AIPL1: variants seen among roughly 807,000 people sequenced by gnomAD.
AIPL1 encodes AIP like 1 HSP90 co-chaperone.
A neutral mutation model predicts 32.9 loss-of-function variants in AIPL1; 23 were observed. The ratio of observed to expected loss-of-function variants is 0.70; its 90% CI spans 0.50 to 0.99. The LOEUF (loss-of-function observed/expected upper bound fraction) is 0.99, where lower values mean the gene tolerates loss of function less well. Among genes scored for constraint, AIPL1 ranks in the 50% least tolerant of loss-of-function variants. The probability of loss-of-function intolerance (pLI) is 0.00; values close to 1 mark genes in which losing one functional copy is unlikely to be tolerated. For synonymous variants in AIPL1, 210 were observed against 209.4 expected (o/e 1.00, Z -0.02); for missense variants, 485 against 506.0 (o/e 0.96, Z 0.40).
At position 6,428,423 on chromosome 17, in the gene AIPL1, C is replaced by T. The variant is rs372906107; in HGVS notation, c.360G>A (p.Thr120=). The T allele has an allele frequency of 2.2e-5, 35 of 1,613,536 alleles. No homozygotes were observed. The highest frequency in any genetic ancestry group is 1.6e-4 in the Middle Eastern group (1 of 6,084). The part of the protein sequence containing the change: ...GKDPTEWHVH[T]CGLANMFAYH... The stretch of plus-strand genomic sequence containing the variant: ...AGGCGAACATGTTGGCCAGCCCGCA[C>T]GTGTGCACGTGCCACTCTGTGGGGT... Residue 120 remains threonine, a synonymous_variant, in exon 3 of 6, where the codon ACG becomes ACA. Coordinates refer to ENST00000381129, the MANE Select transcript of AIPL1 (RefSeq NM_014336.5).
In AIPL1 at chr17:6,434,978, AC is replaced by A. The variant is rs767377283; in HGVS notation, c.96+30del. The A allele has an allele frequency of 5.6e-6, 9 of 1,613,686 alleles. No homozygotes were observed. In the South Asian group the frequency reaches 7.7e-5, roughly 14 times the overall value. On this transcript the variant is annotated intron_variant, in intron 1 of 5. Transcript: ENST00000381129. ...GGAATGTTGAAAGCTGCTGTGGGGG[AC>A]CCTGTCTGCTCCGGAGGGGCCCCAC...
intron 1 of AIPL1, among the ~76,000 whole-genome samples, chr17:6,434,353 G>GTTTTTTTTT (rs559325581): frequency 1.1e-5 from 1 of 91,404 alleles, no homozygotes; most frequent in African/African-American, 4.1e-5. Flanking sequence ...GTAAGCCCGA[G>GTTTTTTTTT]TTCTTTTTTT....
intron 2 of AIPL1, among the ~76,000 whole-genome samples, chr17:6,432,817 G>A (rs1912739277): frequency 6.6e-6 from 1 of 152,134 alleles, no homozygotes; most frequent in African/African-American, 2.4e-5. Flanking sequence ...TTTTGGTAGA[G>A]ACGGGGTTTC....
chr17:6,426,101 A>C lies in AIPL1; in HGVS notation c.785-271T>G, dbSNP rs902000318. 4.7e-6 allele frequency: 6 copies of C among 1,274,820 alleles called. No individual in the cohort carries two copies. In the African/African-American group the frequency reaches 9.0e-5, roughly 19 times the overall value. 79.0% of individuals were successfully genotyped at this position (1,274,820 alleles called of 1,614,324 possible). ...TTATAGACGCTACCTAAATTAGATA[A>C]CCTTCAGGCCCTTTCCCTGCACCTC... is the stretch of plus-strand genomic sequence containing the variant. On this transcript the variant is annotated intron_variant, in intron 5 of 5. Coordinates refer to ENST00000381129, the MANE Select transcript of AIPL1 (RefSeq NM_014336.5).
At position 6,425,165 on chromosome 17, in the gene AIPL1, G is replaced by A. The variant is rs1911776550; in HGVS notation, c.*295C>T. ...TGACATGGGGTAAAATCTAGAAACT[G>A]ATTTAAACAGATTACTTGGAAATAG... On this transcript the variant is annotated 3_prime_UTR_variant, in exon 6 of 6. Transcript: ENST00000381129. 3.1e-6 allele frequency: 1 copy of A among 318,502 alleles called. No homozygotes were observed. Among genetic ancestry groups the A allele is most frequent in the Admixed American group, 4.4e-5 (1 of 22,766 alleles). 19.7% of individuals were successfully genotyped at this position (318,502 alleles called of 1,614,324 possible).
chr17:6,425,308 T>TTTTG lies in AIPL1; in HGVS notation c.*151_*152insCAAA, dbSNP rs1555546347. The TTTTG allele has an allele frequency of 0.074, 3,866 of 52,456 alleles. 3 individuals carry two copies. Among genetic ancestry groups the TTTTG allele is most frequent in the South Asian group, 0.11 (305 of 2,884 alleles). The allele number at this position is 52,456 out of a possible 1,614,324, so 3.2% of individuals were successfully genotyped here. A position where few individuals can be genotyped will look rare whatever the true frequency, so the allele number is the denominator to read the frequency against. ...AAGCTCTTCTGTACCCTTGGGATTG[T>TTTTG]TTTTTTTTTTTTTTTTACCATGGGT... On this transcript the variant is annotated 3_prime_UTR_variant, in exon 6 of 6. Coordinates refer to ENST00000381129, the MANE Select transcript of AIPL1 (RefSeq NM_014336.5).
rs35800597 is a variant in AIPL1, at chr17:6,431,294, GA to G, written c.276+2624del. Among the ~76,000 whole-genome samples the G allele has an allele frequency of 1.9e-3, 233 of 121,786 alleles. 1 individual carries two copies. The highest frequency in any genetic ancestry group is 4.5e-3 in the East Asian group (17 of 3,800). 79.9% of individuals were successfully genotyped at this position (121,786 alleles called of 152,430 possible). The stretch of plus-strand genomic sequence containing the variant: ...AAAACCTGTCTCTACTAAAAATACT[GA>G]AAAAAAAAAAAAAGCCAGGTGTGGT... On this transcript the variant is annotated intron_variant, in intron 2 of 5. Transcript: ENST00000381129.
chr17:6,426,548 A>G (rs779507438), intron 5 of AIPL1, 67 bp downstream of exon 5: 4 of 1,573,544 alleles, frequency 2.5e-6, no homozygotes, highest in African/African-American at 2.7e-5. Context: ...CAGGAAGGCT[A>G]TGGCAGGTGT....
rs1406747632 is a variant in AIPL1, at chr17:6,424,548, TTTG to T, written c.*909_*911del. 1 of 152,370 alleles carries T rather than the reference TTTG, an allele frequency of 6.6e-6. No individual in the cohort carries two copies. The highest frequency in any genetic ancestry group is 2.4e-5 in the African/African-American group (1 of 41,384). The allele number at this position is 152,370 out of a possible 1,614,324, so 9.4% of individuals were successfully genotyped here. A position where few individuals can be genotyped will look rare whatever the true frequency, so the allele number is the denominator to read the frequency against. On this transcript the variant is annotated 3_prime_UTR_variant, in exon 6 of 6. Transcript: ENST00000381129. ...GGTTTTGTTTGTTTTTCTTTTGTTTTTTGTTGTTGTTTTTGTTTTGTTTTGTTT... is the reference window on the plus strand; with the variant it reads ...GGTTTTGTTTGTTTTTCTTTTGTTTTTTGTTGTTTTTGTTTTGTTTTGTTT...
In AIPL1 at chr17:6,425,565, T is replaced by A. The variant is rs1201805392; in HGVS notation, c.1050A>T (p.Pro350=). ...ATGGTGCTGTGGGTGGCTCTGCAGG[T>A]GGCTCTGTGGATGACTGTGCGGGTG... ...TEPPAQSSTE[P]PAEPPTAPSA... Residue 350 remains proline, a synonymous_variant, in exon 6 of 6, where the codon CCA becomes CCT. Coordinates refer to ENST00000381129, the MANE Select transcript of AIPL1 (RefSeq NM_014336.5). 1 of 1,612,738 alleles carries A rather than the reference T, an allele frequency of 6.2e-7. No homozygotes were observed. The highest frequency in any genetic ancestry group is 2.2e-5 in the East Asian group (1 of 44,858).
In AIPL1 at chr17:6,425,825, C is replaced by A; in HGVS notation, c.790G>T (p.Val264Leu). The change falls in exon 6 of 6, where the codon GTG (valine) becomes TTG (leucine). Residue 264 changes from valine (V) to leucine (L), a missense_variant. Coordinates refer to ENST00000381129, the MANE Select transcript of AIPL1 (RefSeq NM_014336.5). ...CGGGCACGCACGTAGTAGGCCTTCA[C>A]GATGCCTGTGGGGAGCAGGGAGCAT... ...SDILRHHPGI[V>L]KAYYVRARAH... is the part of the protein sequence containing the mutation. 3 of 1,603,578 alleles carry A rather than the reference C, an allele frequency of 1.9e-6. No individual in the cohort carries two copies. Among genetic ancestry groups the A allele is most frequent in the Non-Finnish European group, 2.5e-6 (3 of 1,179,544 alleles).
intron 2 of AIPL1, among the ~76,000 whole-genome samples, chr17:6,433,611 TCACACACA>T (rs541117064): frequency 7.1e-4 from 75 of 106,238 alleles, no homozygotes; most frequent in African/African-American, 1.7e-3. Context: ...TCTCTCTCTC[TCACACACA>T]CACACACACA....
At position 6,427,579 on chromosome 17, in the gene AIPL1, C is replaced by T. The variant is rs117789026; in HGVS notation, c.466-522G>A. On this transcript the variant is annotated intron_variant, in intron 3 of 5. Coordinates refer to ENST00000381129, the MANE Select transcript of AIPL1 (RefSeq NM_014336.5). ...TGACCTTGACCCTGGCCCTAACCCTCTCTCACCAATCCACAAACACGCGCT... is the reference window on the plus strand; with the variant it reads ...TGACCTTGACCCTGGCCCTAACCCTTTCTCACCAATCCACAAACACGCGCT... Among the ~76,000 whole-genome samples the T allele has an allele frequency of 6.4e-3, 981 of 152,272 alleles. 7 individuals carry two copies. Among genetic ancestry groups the T allele is most frequent in the Non-Finnish European group, 9.6e-3 (655 of 68,022 alleles).
In AIPL1 at chr17:6,425,151, A is replaced by G; in HGVS notation, c.*309T>C. ...TCCTCATTTGTCATTGACATGGGGT[A>G]AAATCTAGAAACTGATTTAAACAGA... On this transcript the variant is annotated 3_prime_UTR_variant, in exon 6 of 6. Transcript: ENST00000381129. 3.7e-6 allele frequency: 1 copy of G among 273,606 alleles called. No individual in the cohort carries two copies. The highest frequency in any genetic ancestry group is 6.5e-5 in the East Asian group (1 of 15,496). The allele number at this position is 273,606 out of a possible 1,614,324, so 16.9% of individuals were successfully genotyped here. A position where few individuals can be genotyped will look rare whatever the true frequency, so the allele number is the denominator to read the frequency against.
At chr17:6,434,151 A>G (rs1019890303) in intron 1 of AIPL1, 53 bp from the exon 2 acceptor site, 1 of 1,591,582 alleles carries the variant, frequency 6.3e-7, no homozygotes. Context: ...AAGGCCCGGC[A>G]GAAGCCACCC....
chr17:6,426,085 C>T, intron 5 of AIPL1: 1 of 1,231,460 alleles, frequency 8.1e-7, no homozygotes, highest in Non-Finnish European at 1.1e-6. Context: ...CTTATAGACG[C>T]TACCTAAATT....
At chr17:6,433,803 G>C (rs1300375717) in intron 2 of AIPL1, 116 bp downstream of exon 2, 1 of 1,306,752 alleles carries the variant, frequency 7.7e-7, no homozygotes, top group African/African-American at 1.5e-5. Flanking sequence ...TGCAGGACTG[G>C]CTTTGCAAAG....
chr17:6,430,456 C>CAAAAAAAAAAAAA (rs1169701817), intron 2 of AIPL1, among the ~76,000 whole-genome samples: 2 of 44,512 alleles, frequency 4.5e-5, no homozygotes, highest in African/African-American at 9.0e-5. Context: ...AAGTCCGTCT[C>CAAAAAAAAAAAAA]AAAAAAAAAA....
intron 3 of AIPL1, among the ~76,000 whole-genome samples, chr17:6,427,810 C>CTTTTTTTTTTTTTTTTTTTTTTT (rs5819114): frequency 6.9e-6 from 1 of 144,746 alleles, no homozygotes; most frequent in Non-Finnish European, 1.5e-5. Context: ...TCCAAGTGGA[C>CTTTTTTTTTTTTTTTTTTTTTTT]TTTTTTTTTT....
Sources: gnomAD v4.1 joint callset for allele counts (sites outside exome capture counted in the v4.1 genomes callset) on GRCh38, gnomAD v4.1.1 for gene constraint, MANE v1.5 for transcripts, NCBI Gene and HGNC (gene_info 2026-07-23, HGNC 2026-07-21) for gene names.